The following CCDC25 variants were observed in gnomAD, a reference collection of about 807,000 sequenced individuals.
CCDC25 encodes the protein coiled-coil domain-containing protein 25.
Under a neutral mutation model 35.3 loss-of-function variants are expected in CCDC25, and 16 were observed. The ratio of observed to expected loss-of-function variants is 0.45; its 90% CI spans 0.31 to 0.69. The LOEUF is 0.69. Among genes scored for constraint, CCDC25 ranks in the 30% least tolerant of loss-of-function variants. CCDC25 has a pLI of 0.06. For missense variants in CCDC25, 179 were observed against 250.7 expected (o/e 0.71, Z 1.93); for synonymous variants, 79 against 80.3 (o/e 0.98, Z 0.09).
chr8:27,756,789 A>G lies in CCDC25; in HGVS notation c.117-19T>C. 6.3e-7 allele frequency: 1 copy of G among 1,592,214 alleles called. No homozygotes were observed. Among genetic ancestry groups the G allele is most frequent in the Non-Finnish European group, 8.6e-7 (1 of 1,160,160 alleles). On this transcript the variant is annotated intron_variant, in intron 3 of 8. Transcript: ENST00000356537. ...ATGAAACCTACAAAGAATGAAAACC[A>G]CTTTTAGCAAGAGGTACAAGACAAT...
At chr8:27,772,202 G>A (rs1804647092) in intron 1 of CCDC25, 1 of 511,880 alleles carries the variant, frequency 2.0e-6, no homozygotes, top group Non-Finnish European at 3.5e-6. Flanking sequence ...GGTGTGTGGA[G>A]GAGCCCACAG....
chr8:27,736,062 C>A lies in CCDC25; in HGVS notation c.*154G>T, dbSNP rs1304356991. 1 of 661,270 alleles carries A rather than the reference C, an allele frequency of 1.5e-6. No individual in the cohort carries two copies. Among genetic ancestry groups the A allele is most frequent in the South Asian group, 2.3e-5 (1 of 43,710 alleles). The allele number at this position is 661,270 out of a possible 1,614,324, so 41.0% of individuals were successfully genotyped here. On this transcript the variant is annotated 3_prime_UTR_variant, in exon 9 of 9. Transcript: ENST00000356537. ...TCCTTTTCTGTCAGCAAAAAAGGTA[C>A]AATTTTTTTAAAACTTGAAAATCAA...
intron 1 of CCDC25, among the ~76,000 whole-genome samples, chr8:27,770,019 C>T (rs563399414): frequency 6.6e-6 from 1 of 152,224 alleles, no homozygotes; most frequent in South Asian, 2.1e-4. Flanking sequence ...TGGCGTGTGC[C>T]TGTAATCCCA....
chr8:27,761,947 C>T lies in CCDC25; in HGVS notation c.116+472G>A, dbSNP rs150163716. On this transcript the variant is annotated intron_variant, in intron 3 of 8. Transcript: ENST00000356537. ...ATAAATTGTTTTAGAAAGAAGGCGT[C>T]GGGGTTGGATCAAGACAGAGCTAAA... Among the ~76,000 whole-genome samples the T allele has an allele frequency of 2.4e-3, 367 of 152,080 alleles. 1 individual carries two copies. The highest frequency in any genetic ancestry group is 8.3e-3 in the African/African-American group (345 of 41,476).
chr8:27,770,267 C>A (rs1804546088), intron 1 of CCDC25, among the ~76,000 whole-genome samples: 1 of 151,902 alleles, frequency 6.6e-6, no homozygotes, highest in Non-Finnish European at 1.5e-5. Flanking sequence ...CATGATGAAA[C>A]CCCATCTTTA....
rs1803485265 is a variant in CCDC25, at chr8:27,742,830, G to A, written c.552-2313C>T. Among the ~76,000 whole-genome samples, 3 of 152,300 alleles carry A rather than the reference G, an allele frequency of 2.0e-5. 1 individual carries two copies. The South Asian group carries it at 6.2e-4, about 32-fold the overall frequency. ...TGCAGTGAGCCGAGATCGTGCCACT[G>A]CACTCCAGCCTGGGCAACAGAGTGA... On this transcript the variant is annotated intron_variant, in intron 7 of 8. Transcript: ENST00000356537.
chr8:27,762,564 TC>T, intron 2 of CCDC25, 106 bp from the exon 3 acceptor site: 1 of 927,816 alleles, frequency 1.1e-6, no homozygotes, highest in South Asian at 1.5e-5. Context: ...AATTTCTCTC[TC>T]CCTCAATGAA....
chr8:27,770,223 C>T lies in CCDC25; in HGVS notation c.28+2290G>A, dbSNP rs185311979. ...TTGGGAGGTTAAGGTGGGTAGATCACTTGAGCTCAGGAGTTCAAGACCAGC... is the reference window on the plus strand; with the variant it reads ...TTGGGAGGTTAAGGTGGGTAGATCATTTGAGCTCAGGAGTTCAAGACCAGC... On this transcript the variant is annotated intron_variant, in intron 1 of 8. Transcript: ENST00000356537. Among the ~76,000 whole-genome samples the T allele has an allele frequency of 1.9e-3, 282 of 152,272 alleles. 4 individuals are homozygous for T. Among genetic ancestry groups the T allele is most frequent in the African/African-American group, 6.4e-3 (265 of 41,548 alleles).
chr8:27,756,878 C>T (rs1159289167), intron 3 of CCDC25, 108 bp from the exon 4 acceptor site: 3 of 763,726 alleles, frequency 3.9e-6, no homozygotes, highest in South Asian at 3.0e-5. Flanking sequence ...TCCATGCCTG[C>T]CACATGTGAA....
In CCDC25 at chr8:27,772,577, A is replaced by C; in HGVS notation, c.-37T>G. ...CGGTGCGGTGACTCCACCGCGGAGC[A>C]GCAGCGCTCAACTCACGAAGCTCAG... On this transcript the variant is annotated 5_prime_UTR_variant, in exon 1 of 9. Coordinates refer to ENST00000356537, the MANE Select transcript of CCDC25 (RefSeq NM_018246.3). 1 of 1,544,148 alleles carries C rather than the reference A, an allele frequency of 6.5e-7. No homozygotes were observed. Among genetic ancestry groups the C allele is most frequent in the Non-Finnish European group, 8.8e-7 (1 of 1,142,744 alleles).
In CCDC25 at chr8:27,768,229, T is replaced by C. The variant is rs555970266; in HGVS notation, c.29-2978A>G. Among the ~76,000 whole-genome samples, 3 of 151,890 alleles carry C rather than the reference T, an allele frequency of 2.0e-5. No homozygotes were observed. In the South Asian group the frequency reaches 6.2e-4, roughly 32 times the overall value. ...CTGGGAGAATATACAGGAAATCTTT[T>C]ACTATACTTGCAACTTCTCTGAAAG... is the stretch of plus-strand genomic sequence containing the variant. On this transcript the variant is annotated intron_variant, in intron 1 of 8. Coordinates refer to ENST00000356537, the MANE Select transcript of CCDC25 (RefSeq NM_018246.3).
At chr8:27,757,459 TG>T (rs1322754517) in intron 3 of CCDC25, among the ~76,000 whole-genome samples, 1 of 152,196 alleles carries the variant, frequency 6.6e-6, no homozygotes, top group Non-Finnish European at 1.5e-5. Context: ...TACCAATATA[TG>T]TCTCTTGGGT....
chr8:27,753,936 T>G (rs1384001977), intron 4 of CCDC25, among the ~76,000 whole-genome samples: 1 of 152,220 alleles, frequency 6.6e-6, no homozygotes, highest in Non-Finnish European at 1.5e-5. Context: ...AAGTAGCATC[T>G]TATATTCATC....
chr8:27,762,601 C>G (rs369449102), intron 2 of CCDC25, 143 bp from the exon 3 acceptor site: 10 of 577,696 alleles, frequency 1.7e-5, no homozygotes, highest in Admixed American at 1.4e-4. Context: ...GGCCTTGATG[C>G]TTGAAAATAC....
At chr8:27,755,403 C>T (rs551169080) in intron 4 of CCDC25, among the ~76,000 whole-genome samples, 20 of 152,252 alleles carry the variant, frequency 1.3e-4, no homozygotes, top group African/African-American at 3.9e-4. Context: ...ATAAAATAAA[C>T]GCAGGAGTCT....
At chr8:27,768,115 G>A (rs979949166) in intron 1 of CCDC25, among the ~76,000 whole-genome samples, 14 of 152,024 alleles carry the variant, frequency 9.2e-5, no homozygotes, top group African/African-American at 3.4e-4. Context: ...AGTTGAGGCT[G>A]CAATGATCTG....
intron 1 of CCDC25, 86 bp downstream of exon 1, chr8:27,772,427 G>T (rs1475315169): frequency 7.3e-7 from 1 of 1,366,704 alleles, no homozygotes; most frequent in Non-Finnish European, 1.0e-6. Flanking sequence ...ATTTTAGAGC[G>T]AGGGTCAGGC....
At chr8:27,771,365 T>C (rs986331852) in intron 1 of CCDC25, among the ~76,000 whole-genome samples, 1 of 152,206 alleles carries the variant, frequency 6.6e-6, no homozygotes, top group Non-Finnish European at 1.5e-5. Context: ...TTCTTGTCAT[T>C]AAGGGACGCA....
At chr8:27,753,854 T>C (rs187201498) in intron 4 of CCDC25, among the ~76,000 whole-genome samples, 223 of 152,308 alleles carry the variant, frequency 1.5e-3, no homozygotes, top group Non-Finnish European at 2.1e-3. Context: ...CTCAAAAACA[T>C]AAATAGTATG....
Sources: allele counts gnomAD v4.1 joint callset (sites outside exome capture counted in the v4.1 genomes callset), GRCh38; gene constraint gnomAD v4.1.1; transcripts MANE v1.5; gene names NCBI Gene and HGNC (gene_info 2026-07-23, HGNC 2026-07-21).